The following SYNRG variants were observed in gnomAD, a reference collection of about 807,000 sequenced individuals.
The protein encoded by SYNRG is AP1 gamma subunit binding protein 1.
Under a neutral mutation model 130.9 loss-of-function variants are expected in SYNRG, and 37 were observed. The ratio of observed to expected loss-of-function variants is 0.28; its 90% CI spans 0.22 to 0.37. The LOEUF (loss-of-function observed/expected upper bound fraction) is 0.37, where lower values mean the gene tolerates loss of function less well. Among genes scored for constraint, SYNRG ranks in the 10% least tolerant of loss-of-function variants. The pLI is 1.00. For synonymous variants in SYNRG, 539 were observed against 568.1 expected, an observed-to-expected ratio of 0.95 and a Z score of 0.73; for missense variants, 1,338 against 1,588.9, an observed-to-expected ratio of 0.84 and a Z score of 2.68.
chr17:37,570,932 A>G (rs752831394), intron 9 of SYNRG, 47 bp from the exon 10 acceptor site: 1 of 1,564,776 alleles, frequency 6.4e-7, no homozygotes, highest in Admixed American at 1.9e-5. Flanking sequence ...TAAACCACAT[A>G]CGGTCGAAAT....
intron 19 of SYNRG, chr17:37,529,953 T>A: frequency 1.9e-6 from 2 of 1,042,128 alleles, no homozygotes; most frequent in Non-Finnish European, 1.4e-6. Context: ...ACAAAGAACC[T>A]TAAAATCTAA....
Position 37,586,493 on chromosome 17 carries a change from T to A in SYNRG, c.297A>T (p.Ala99=). 1 of 1,614,150 alleles carries A rather than the reference T, an allele frequency of 6.2e-7. No homozygotes were observed. Among genetic ancestry groups the A allele is most frequent in the Non-Finnish European group, 8.5e-7 (1 of 1,180,044 alleles). ...PAAGMPYLGQ[A]PFLGMRPPGP... ...CTGGAGGACGCATGCCCAGGAAGGG[T>A]GCTTGTCCTAGGTAAGGCATTCCCG... Residue 99 remains alanine (A), a synonymous_variant, in exon 4 of 22, where the codon GCA becomes GCT. Coordinates refer to ENST00000612223, the MANE Select transcript of SYNRG (RefSeq NM_007247.6).
chr17:37,542,189 C>T lies in SYNRG; in HGVS notation c.2985G>A (p.Thr995=), dbSNP rs751595610. The T allele has an allele frequency of 9.9e-6, 16 of 1,614,070 alleles. No homozygotes were observed. Among genetic ancestry groups the T allele is most frequent in the Admixed American group, 8.3e-5 (5 of 60,004 alleles). The change falls in exon 15 of 22, where the codon ACG becomes ACA. Residue 995 remains threonine (T), a synonymous_variant. Coordinates refer to ENST00000612223, the MANE Select transcript of SYNRG (RefSeq NM_007247.6). ...YKDFTKQDLP[T]AERSQEATCP... ...ACGTGGCCTCCTGGCTCCGTTCAGC[C>T]GTAGGCAGGTCCTGTTTTGTGAAAT...
chr17:37,580,227 C>T (rs192236295), intron 6 of SYNRG, among the ~76,000 whole-genome samples: 2 of 144,434 alleles, frequency 1.4e-5, no homozygotes, highest in East Asian at 4.2e-4. Flanking sequence ...ATATCATGCC[C>T]GATCCACACA....
chr17:37,597,466 T>C (rs895454654), intron 2 of SYNRG, among the ~76,000 whole-genome samples: 1 of 152,232 alleles, frequency 6.6e-6, no homozygotes, highest in African/African-American at 2.4e-5. Context: ...CAACTAGAAA[T>C]GACACATACT....
At chr17:37,565,030 G>A (rs1488849318) in intron 11 of SYNRG, among the ~76,000 whole-genome samples, 4 of 152,190 alleles carry the variant, frequency 2.6e-5, no homozygotes, top group African/African-American at 7.2e-5. Flanking sequence ...TTGGGAGGCC[G>A]AGGCAGGCAG....
intron 6 of SYNRG, 67 bp downstream of exon 6, chr17:37,584,570 ATAATGGCGAGG>A: frequency 8.7e-7 from 1 of 1,145,886 alleles, no homozygotes; most frequent in Non-Finnish European, 1.3e-6. Context: ...ACACACACAT[ATAATGGCGAGG>A]TAAAGAAACA....
intron 3 of SYNRG, among the ~76,000 whole-genome samples, chr17:37,595,647 G>C (rs2062697603): frequency 6.6e-6 from 1 of 151,854 alleles, no homozygotes; most frequent in South Asian, 2.1e-4. Context: ...TAAAATATAA[G>C]TTGAAAAAAG....
chr17:37,592,736 A>C (rs771611844), intron 3 of SYNRG, among the ~76,000 whole-genome samples: 5 of 152,242 alleles, frequency 3.3e-5, no homozygotes, highest in Non-Finnish European at 5.9e-5. Context: ...TGGGGAACAC[A>C]CTAGTGAATG....
At chr17:37,540,628 TTC>T (rs1237332393) in intron 15 of SYNRG, 85 bp from the exon 16 acceptor site, 67 of 1,157,014 alleles carry the variant, frequency 5.8e-5, no homozygotes, top group Middle Eastern at 2.3e-4. Context: ...CACAACCCTC[TTC>T]TTTTTTTTTT....
intron 13 of SYNRG, among the ~76,000 whole-genome samples, chr17:37,556,567 AC>A (rs1461178706): frequency 3.3e-5 from 5 of 151,706 alleles, no homozygotes; most frequent in Non-Finnish European, 7.4e-5. Context: ...AGCACCAAAA[AC>A]AATACAAGCT....
At position 37,585,437 on chromosome 17, in the gene SYNRG, G is replaced by T; in HGVS notation, c.372-7C>A. The T allele has an allele frequency of 6.2e-7, 1 of 1,601,290 alleles. No homozygotes were observed. The highest frequency in any genetic ancestry group is 8.5e-7 in the Non-Finnish European group (1 of 1,171,506). On this transcript the variant is annotated splice_polypyrimidine_tract_variant and splice_region_variant and intron_variant, in intron 4 of 21. Transcript: ENST00000612223. ...CTGCTGTTCAAATCGTTTCCTGAAG[G>T]AAAAATGATCTAATAAAGAACCAGC...
chr17:37,604,543 A>G (rs1208407232), intron 1 of SYNRG, among the ~76,000 whole-genome samples: 1 of 152,210 alleles, frequency 6.6e-6, no homozygotes, highest in Non-Finnish European at 1.5e-5. Context: ...TTAATCTTCT[A>G]TCCAGACCAC....
intron 19 of SYNRG, among the ~76,000 whole-genome samples, chr17:37,534,413 C>T (rs561143364): frequency 5.9e-5 from 9 of 151,878 alleles, no homozygotes; most frequent in South Asian, 2.1e-4. Flanking sequence ...TTGGTAGAGA[C>T]GGAGTTTTGA....
At position 37,571,748 on chromosome 17, in the gene SYNRG, T is replaced by C. The variant is rs367705393; in HGVS notation, c.1098+43A>G. ...AAAGATTTCATATCCTTGCAATTTA[T>C]ATTAATAAAGTTATTTGATCTAACT... is the stretch of plus-strand genomic sequence containing the variant. On this transcript the variant is annotated intron_variant, in intron 9 of 21. Transcript: ENST00000612223. The C allele has an allele frequency of 6.5e-6, 10 of 1,539,886 alleles. No individual in the cohort carries two copies. The East Asian group carries it at 9.0e-5, about 14-fold the overall frequency.
chr17:37,518,952 AG>A lies in SYNRG; in HGVS notation c.3932del (p.Pro1311LeufsTer18). On this transcript the variant is annotated frameshift_variant, in exon 22 of 22. Transcript: ENST00000612223. LOFTEE classifies it high-confidence loss of function. ...ACAGAGGAGTTGTTCAGAGCAGGTC[AG>A]GCAGGACGAGGCCAGGAGGCTTTGG... ...VEPKPPGLVL[P>X]DLL The A allele has an allele frequency of 6.2e-7, 1 of 1,614,038 alleles. No individual in the cohort carries two copies. The highest frequency in any genetic ancestry group is 8.5e-7 in the Non-Finnish European group (1 of 1,179,960).
At chr17:37,592,466 A>G (rs1020416941) in intron 3 of SYNRG, among the ~76,000 whole-genome samples, 55 of 152,346 alleles carry the variant, frequency 3.6e-4, no homozygotes, top group Non-Finnish European at 7.3e-4. Context: ...AAATGAGGAC[A>G]TATGTTCACG....
intron 20 of SYNRG, among the ~76,000 whole-genome samples, 160 bp from the exon 21 acceptor site, chr17:37,520,374 G>T (rs1230383260): frequency 6.6e-6 from 1 of 152,052 alleles, no homozygotes; most frequent in Non-Finnish European, 1.5e-5. Context: ...CAGCTCCCCC[G>T]CTGCCCTCTC....
Position 37,598,808 on chromosome 17 carries a change from A to T in SYNRG, c.118+1555T>A, listed in dbSNP as rs114319187. Among the ~76,000 whole-genome samples the T allele has an allele frequency of 6.3e-3, 954 of 152,362 alleles. 9 individuals carry two copies. Among genetic ancestry groups the T allele is most frequent in the Middle Eastern group, 0.037 (11 of 294 alleles). On this transcript the variant is annotated intron_variant, in intron 2 of 21. Coordinates refer to ENST00000612223, the MANE Select transcript of SYNRG (RefSeq NM_007247.6). ...TGTCCAGTTCCTTTGCTCCATATGCATATTTTTACTTGAAAGTGTATAGAA... is the reference window on the plus strand; with the variant it reads ...TGTCCAGTTCCTTTGCTCCATATGCTTATTTTTACTTGAAAGTGTATAGAA...
Sources: allele counts gnomAD v4.1 joint callset (sites outside exome capture counted in the v4.1 genomes callset), GRCh38; gene constraint gnomAD v4.1.1; transcripts MANE v1.5; gene names NCBI Gene and HGNC (gene_info 2026-07-23, HGNC 2026-07-21).